Variants in BLTP1 observed in about 807,000 individuals in gnomAD.
BLTP1 encodes the protein bridge-like lipid transfer protein family member 1.
At chr4:122,169,936 G>A in the BLTP1 span, 2 of 984,786 alleles carry the variant, frequency 2.0e-6, no homozygotes, top group Non-Finnish European at 2.4e-6. Context: ...ATATTAAGTG[G>A]TGGCTTTGGG....
the BLTP1 span, chr4:122,272,431 G>C: frequency 6.4e-7 from 1 of 1,563,332 alleles, no homozygotes; most frequent in Non-Finnish European, 8.8e-7. Flanking sequence ...CTAATAAAGT[G>C]CTATGTATAC....
the BLTP1 span, chr4:122,173,115 T>A: frequency 6.2e-7 from 1 of 1,610,816 alleles, no homozygotes; most frequent in Non-Finnish European, 8.5e-7. Context: ...TAACACTAGT[T>A]CTTAACAGAT....
At chr4:122,306,554 G>A in the BLTP1 span, 1 of 984,598 alleles carries the variant, frequency 1.0e-6, no homozygotes, top group Non-Finnish European at 1.2e-6. Flanking sequence ...ACTAATTCTT[G>A]ATTTGACTTT....
the BLTP1 span, chr4:122,279,974 T>G: frequency 1.2e-6 from 2 of 1,614,056 alleles, no homozygotes; most frequent in Non-Finnish European, 1.7e-6. Context: ...CAGACAGCCT[T>G]CTACAGCGTA....
At chr4:122,326,316 A>C in the BLTP1 span, among the ~76,000 whole-genome samples, 1 of 151,792 alleles carries the variant, frequency 6.6e-6, no homozygotes, top group Non-Finnish European at 1.5e-5. Flanking sequence ...CTTTTGAGTC[A>C]CTGGTGTAAA....
chr4:122,215,809 CTCAACGTGTAG>C, the BLTP1 span, among the ~76,000 whole-genome samples: 1,646 of 152,002 alleles, frequency 0.011, 13 homozygotes, highest in Non-Finnish European at 0.017. Context: ...GTACACTATA[CTCAACGTGTAG>C]TCTTTTATCC....
chr4:122,210,083 T>C, the BLTP1 span: 1 of 909,258 alleles, frequency 1.1e-6, no homozygotes, highest in East Asian at 1.2e-4. Flanking sequence ...CTTTTGAGCA[T>C]TTACTTTGTG....
At chr4:122,174,121 T>C in the BLTP1 span, 1 of 815,704 alleles carries the variant, frequency 1.2e-6, no homozygotes, top group Non-Finnish European at 1.5e-6. Flanking sequence ...GAGAGATGAC[T>C]GGAGAGAACC....
the BLTP1 span, chr4:122,183,353 C>G: frequency 1.2e-6 from 1 of 811,450 alleles, no homozygotes; most frequent in Non-Finnish European, 1.5e-6. Flanking sequence ...AAAAAAAAAG[C>G]TTAAACAATT....
the BLTP1 span, chr4:122,244,981 C>T: frequency 3.4e-5 from 54 of 1,595,696 alleles, no homozygotes; most frequent in East Asian, 9.0e-5. Flanking sequence ...GTAGAATCAA[C>T]GACATTTAAA....
the BLTP1 span, chr4:122,202,531 T>TA: frequency 2.1e-6 from 2 of 966,964 alleles, no homozygotes; most frequent in African/African-American, 3.5e-5. Flanking sequence ...AAGAATCTGT[T>TA]ACATTACTTA....
chr4:122,275,834 G>T, the BLTP1 span: 3 of 992,024 alleles, frequency 3.0e-6, no homozygotes, highest in Non-Finnish European at 4.0e-6. Flanking sequence ...GGTTCAAATG[G>T]TACTTTAAAG....
chr4:122,274,680 C>A, the BLTP1 span: 2 of 961,730 alleles, frequency 2.1e-6, no homozygotes, highest in Non-Finnish European at 2.5e-6. Context: ...ATGTTAACTA[C>A]AAAACAGCCT....
At chr4:122,208,788 T>A in the BLTP1 span, 1 of 502,676 alleles carries the variant, frequency 2.0e-6, no homozygotes, top group Non-Finnish European at 2.6e-6. Flanking sequence ...ACTCGTGTAA[T>A]CCCAGCACTT....
the BLTP1 span, chr4:122,197,305 A>G: frequency 4.8e-5 from 63 of 1,325,102 alleles, no homozygotes; most frequent in East Asian, 1.1e-3. Context: ...TTCTTTTTAA[A>G]TAATTAGGGA....
chr4:122,271,566 C>G, the BLTP1 span: 4 of 1,613,522 alleles, frequency 2.5e-6, no homozygotes, highest in Non-Finnish European at 3.4e-6. Context: ...GATCACATGA[C>G]TATTCATATG....
chr4:122,272,208 A>G, the BLTP1 span: 3 of 1,613,320 alleles, frequency 1.9e-6, no homozygotes, highest in Non-Finnish European at 2.5e-6. Flanking sequence ...TTTGAGAATG[A>G]ACAAGACAAC....
At chr4:122,243,459 G>T in the BLTP1 span, 1 of 984,256 alleles carries the variant, frequency 1.0e-6, no homozygotes, top group Non-Finnish European at 1.2e-6. Flanking sequence ...GTCAAGTCCA[G>T]GCCAGGCATG....
At chr4:122,360,208 T>C in the BLTP1 span, among the ~76,000 whole-genome samples, 3 of 152,222 alleles carry the variant, frequency 2.0e-5, no homozygotes, top group Non-Finnish European at 2.9e-5. Flanking sequence ...CTAAGCATTA[T>C]AAAACCATGC....
Sources: allele counts gnomAD v4.1 joint callset (sites outside exome capture counted in the v4.1 genomes callset), GRCh38; gene constraint gnomAD v4.1.1; transcripts MANE v1.5; gene names NCBI Gene and HGNC (gene_info 2026-07-23, HGNC 2026-07-21).